Variants in CAMK2G observed in about 807,000 individuals in gnomAD.
CAMK2G encodes calcium/calmodulin-dependent protein kinase type II subunit gamma.
CAMK2G carries 23 observed loss-of-function variants against 88.7 expected under a neutral mutation model. The ratio of observed to expected loss-of-function variants is 0.26; its 90% CI spans 0.19 to 0.37. The LOEUF is 0.37. Ranked by LOEUF, CAMK2G falls within the 10% of genes least tolerant of loss-of-function variation. The probability of loss-of-function intolerance (pLI) is 1.00; values close to 1 mark genes in which losing one functional copy is unlikely to be tolerated. For missense variants in CAMK2G, 476 were observed against 780.8 expected (o/e 0.61, Z 4.65); for synonymous variants, 263 against 294.8 (o/e 0.89, Z 1.11).
chr10:73,837,203 A>G, intron 14 of CAMK2G: 1 of 485,216 alleles, frequency 2.1e-6, no homozygotes, highest in Non-Finnish European at 3.8e-6. Flanking sequence ...TGTAGAAGTC[A>G]GGTTCCGGAT....
intron 14 of CAMK2G, among the ~76,000 whole-genome samples, chr10:73,836,791 T>C (rs2093289155): frequency 3.3e-5 from 5 of 152,168 alleles, no homozygotes; most frequent in Admixed American, 3.3e-4. Context: ...GCCCTGTGGG[T>C]AGCCCCAGTC....
rs1353365625 is a variant in CAMK2G at position 73,848,510 on chromosome 10, C to T, written c.601+16G>A. ...GCCCTTAACAGCGAAAAGCTGAGAG[C>T]GTGGAATGGGCTTACCGCAGGCCCA... On this transcript the variant is annotated intron_variant, in intron 8 of 22. Coordinates refer to ENST00000423381, the MANE Select transcript of CAMK2G (RefSeq NM_001367534.1). The surrounding 1 kb of genome is among the most constrained non-coding windows in gnomAD (Gnocchi z 4.5). The T allele has an allele frequency of 3.8e-6, 6 of 1,573,578 alleles. No homozygotes were observed. The highest frequency in any genetic ancestry group is 1.7e-4 in the Middle Eastern group (1 of 5,906).
At chr10:73,874,352 C>T in intron 1 of CAMK2G, 45 bp downstream of exon 1, 2 of 1,361,118 alleles carry the variant, frequency 1.5e-6, no homozygotes, top group Admixed American at 2.3e-5. Flanking sequence ...CCGCATAGCT[C>T]CCGGGCGGCA....
chr10:73,824,215 T>G, intron 16 of CAMK2G, 131 bp from the exon 17 acceptor site: 1 of 664,432 alleles, frequency 1.5e-6, no homozygotes, highest in South Asian at 1.7e-5. Flanking sequence ...ACCAGCCATC[T>G]CCAGAAGACA....
chr10:73,866,216 G>C (rs116856000), intron 2 of CAMK2G, among the ~76,000 whole-genome samples: 2 of 152,308 alleles, frequency 1.3e-5, no homozygotes, highest in East Asian at 3.9e-4. Context: ...GATTTCACAG[G>C]AAGGGCAGCA....
At chr10:73,832,084 A>T (rs919048329) in intron 14 of CAMK2G, among the ~76,000 whole-genome samples, 2 of 151,868 alleles carry the variant, frequency 1.3e-5, no homozygotes, top group Non-Finnish European at 2.9e-5. Context: ...AATAGTATTT[A>T]AAAAAAATTC....
At position 73,825,309 on chromosome 10, in the gene CAMK2G, G is replaced by A; in HGVS notation, c.1125C>T (p.Ala375=). Residue 375 remains alanine, a synonymous_variant, in exon 16 of 23, where the codon GCC becomes GCT. Transcript: ENST00000423381. ...CCGTCTGCAAGGGCGCGGGCTCTTG[G>A]GCTGGGCTTACGAGACTGTTTTTGT... The part of the protein sequence containing the change: ...SNNKNSLVSP[A]QEPAPLQTAM... The A allele has an allele frequency of 6.2e-7, 1 of 1,614,040 alleles. No individual in the cohort carries two copies. Among genetic ancestry groups the A allele is most frequent in the Non-Finnish European group, 8.5e-7 (1 of 1,179,866 alleles).
intron 14 of CAMK2G, among the ~76,000 whole-genome samples, chr10:73,835,254 T>C (rs748038138): frequency 6.6e-6 from 1 of 151,750 alleles, no homozygotes; most frequent in Non-Finnish European, 1.5e-5. Context: ...CCTTAAAAGG[T>C]AGATTAAGTT....
chr10:73,838,627 G>C (rs758279540), intron 13 of CAMK2G, among the ~76,000 whole-genome samples: 69 of 152,078 alleles, frequency 4.5e-4, no homozygotes, highest in Non-Finnish European at 9.6e-4. Context: ...TGAGAACAGG[G>C]GTCCTTCCAT....
At chr10:73,868,905 C>T (rs539186361) in intron 2 of CAMK2G, among the ~76,000 whole-genome samples, 2 of 152,214 alleles carry the variant, frequency 1.3e-5, no homozygotes, top group Non-Finnish European at 2.9e-5. Flanking sequence ...CAACATGCCA[C>T]AACCCGAGCC....
At chr10:73,820,663 ATT>A (rs1198716305) in intron 18 of CAMK2G, among the ~76,000 whole-genome samples, 77 of 46,124 alleles carry the variant, frequency 1.7e-3, no homozygotes, top group East Asian at 0.016. Context: ...CACCCGGCTA[ATT>A]TTTTTTTTTT....
chr10:73,872,383 C>G (rs573140171), intron 2 of CAMK2G, among the ~76,000 whole-genome samples: 1 of 152,376 alleles, frequency 6.6e-6, no homozygotes, highest in South Asian at 2.1e-4. Flanking sequence ...CCACCCAGGA[C>G]AGACTACATC....
In CAMK2G at chr10:73,845,904, CTTT is replaced by C. The variant is rs775000753; in HGVS notation, c.819+1318_819+1320del. Among the ~76,000 whole-genome samples the C allele has an allele frequency of 5.7e-3, 769 of 135,854 alleles. 3 individuals carry two copies. The highest frequency in any genetic ancestry group is 0.017 in the African/African-American group (628 of 36,984). 89.1% of individuals were successfully genotyped at this position (135,854 alleles called of 152,430 possible). A position where few individuals can be genotyped will look rare whatever the true frequency, so the allele number is the denominator to read the frequency against. ...TCTTTTAAAAATTTTCAATTCCCTT[CTTT>C]TTTTTTTTTTTTTTTTAAAGAGGTG... On this transcript the variant is annotated intron_variant, in intron 10 of 22. Coordinates refer to ENST00000423381, the MANE Select transcript of CAMK2G (RefSeq NM_001367534.1).
intron 5 of CAMK2G, among the ~76,000 whole-genome samples, chr10:73,850,439 G>A (rs1386670226): frequency 6.6e-6 from 1 of 152,214 alleles, no homozygotes; most frequent in Admixed American, 6.5e-5. Context: ...CCCACCGCAG[G>A]GGACATTTGG....
At chr10:73,866,740 A>G (rs948486347) in intron 2 of CAMK2G, among the ~76,000 whole-genome samples, 1 of 152,058 alleles carries the variant, frequency 6.6e-6, no homozygotes, top group African/African-American at 2.4e-5. Context: ...AGTGCCTTTC[A>G]TCTTCTTCCC....
At position 73,821,695 on chromosome 10, in the gene CAMK2G, A is replaced by G; in HGVS notation, c.1236T>C (p.Asp412=). The G allele has an allele frequency of 6.2e-7, 1 of 1,611,284 alleles. No homozygotes were observed. Among genetic ancestry groups the G allele is most frequent in the South Asian group, 1.1e-5 (1 of 90,460 alleles). ...STESCNTTTE[D]EDLKAAPLRT... Reference sequence around the variant, plus strand: ...GCCAGCACCTACCTTTGAGGTCCTCATCTTCTGTGGTGGTGTTGCAGCTCT... The same window carrying G: ...GCCAGCACCTACCTTTGAGGTCCTCGTCTTCTGTGGTGGTGTTGCAGCTCT... Residue 412 remains aspartate, a synonymous_variant, in exon 18 of 23, where the codon GAT becomes GAC. Coordinates refer to ENST00000423381, the MANE Select transcript of CAMK2G (RefSeq NM_001367534.1).
intron 16 of CAMK2G, among the ~76,000 whole-genome samples, chr10:73,824,433 C>T (rs1246886147): frequency 6.6e-6 from 1 of 152,230 alleles, no homozygotes; most frequent in Middle Eastern, 3.2e-3. Flanking sequence ...AGCTGTGGGA[C>T]TGAGGGCACA....
rs562937382 is a variant in CAMK2G at position 73,815,463 on chromosome 10, T to TA, written c.1535-217dup. Among the ~76,000 whole-genome samples the TA allele has an allele frequency of 2.9e-3, 394 of 138,134 alleles. 2 individuals carry two copies. The highest frequency in any genetic ancestry group is 1.0e-2 in the African/African-American group (363 of 36,394). 90.6% of individuals were successfully genotyped at this position (138,134 alleles called of 152,430 possible). Reference sequence around the variant, plus strand: ...TATCCAAAAGGAACAGAAAGATGGGTAACAGTGACAGTACCTGCTGCGCTT... The same window carrying TA: ...TATCCAAAAGGAACAGAAAGATGGGTAAACAGTGACAGTACCTGCTGCGCTT... On this transcript the variant is annotated intron_variant, in intron 21 of 22. Coordinates refer to ENST00000423381, the MANE Select transcript of CAMK2G (RefSeq NM_001367534.1).
chr10:73,834,481 T>G (rs190577746), intron 14 of CAMK2G, among the ~76,000 whole-genome samples: 113 of 152,336 alleles, frequency 7.4e-4, no homozygotes, highest in Non-Finnish European at 1.3e-3. Flanking sequence ...AGCCTTTACC[T>G]AATGATGTGT....
Sources: allele counts gnomAD v4.1 joint callset (sites outside exome capture counted in the v4.1 genomes callset), GRCh38; gene constraint gnomAD v4.1.1; non-coding constraint Gnocchi (gnomAD v3.1); transcripts MANE v1.5; gene names NCBI Gene and HGNC (gene_info 2026-07-23, HGNC 2026-07-21).